TSPAN7: variants seen among roughly 807,000 people sequenced by gnomAD.
TSPAN7 encodes tetraspanin 7, also known as tetraspanin-7.
In TSPAN7, 1 loss-of-function variant was observed where a neutral mutation model predicts 17.6. The observed-to-expected ratio is 0.06, with a 90% CI of 0.02 to 0.27. The LOEUF (loss-of-function observed/expected upper bound fraction) is 0.27. Among genes scored for constraint, TSPAN7 ranks in the 10% least tolerant of loss-of-function variants. TSPAN7 has a pLI of 1.00. For synonymous variants in TSPAN7, 78 were observed against 79.0 expected (o/e 0.99, Z 0.07); for missense variants, 112 against 201.7 (o/e 0.56, Z 2.69).
intron 1 of TSPAN7, among the ~76,000 whole-genome samples, chrX:38,631,040 C>G (rs1414922695): frequency 8.9e-6 from 1 of 112,291 alleles, no homozygotes; most frequent in Non-Finnish European, 1.9e-5. Flanking sequence ...CTTCATTATT[C>G]ATAGATGTAA....
At chrX:38,673,364 C>CT (rs1173827469) in intron 3 of TSPAN7, among the ~76,000 whole-genome samples, 12,616 of 85,889 alleles carry the variant, frequency 0.15, 1,101 homozygotes, top group African/African-American at 0.24. Flanking sequence ...GTTTTGTTAA[C>CT]TTTTTTTTTT....
chrX:38,571,088 T>C (rs1213741941), intron 1 of TSPAN7: 1 of 111,822 alleles, frequency 8.9e-6, no homozygotes, highest in Non-Finnish European at 1.9e-5. Context: ...TTTAAAATAG[T>C]TTAAACATCA....
At chrX:38,580,054 A>T (rs2069220007) in intron 1 of TSPAN7, among the ~76,000 whole-genome samples, 1 of 112,467 alleles carries the variant, frequency 8.9e-6, no homozygotes, top group South Asian at 3.7e-4. Flanking sequence ...ATATGTTTCC[A>T]TGTCGACAGA....
Position 38,674,164 on chromosome X carries a change from T to A in TSPAN7, c.346-57T>A, listed in dbSNP as rs1243902766. ...ATGTTAGGGTAGAATTTGGTAAGAA[T>A]TGGAGTCAGTTTGGGCTGTGGTGGA... On this transcript the variant is annotated intron_variant, in intron 3 of 7. Transcript: ENST00000378482. 5 of 918,114 alleles carry A rather than the reference T, an allele frequency of 5.4e-6. No individual in the cohort carries two copies. The East Asian group carries it at 1.7e-4, about 31-fold the overall frequency. 75.7% of individuals were successfully genotyped at this position (918,114 alleles called of 1,213,427 possible).
intron 1 of TSPAN7, among the ~76,000 whole-genome samples, chrX:38,574,061 G>T (rs754398746): frequency 1.1e-4 from 12 of 111,948 alleles, no homozygotes; most frequent in Non-Finnish European, 2.1e-4. Context: ...GAAGAGTTAT[G>T]TTCTACCTCC....
intron 1 of TSPAN7, among the ~76,000 whole-genome samples, chrX:38,577,019 G>A (rs191134849): frequency 1.2e-3 from 135 of 111,384 alleles, no homozygotes; most frequent in African/African-American, 4.3e-3. Context: ...AAGAATGAAG[G>A]TCTAATATAG....
At chrX:38,681,164 G>A in intron 5 of TSPAN7, 40 bp from the exon 6 acceptor site, 1 of 1,141,113 alleles carries the variant, frequency 8.8e-7, no homozygotes, top group Non-Finnish European at 1.2e-6. Flanking sequence ...CTTGGCCTGA[G>A]TGAAAACATG....
At chrX:38,614,286 C>A (rs1569307055) in intron 1 of TSPAN7, among the ~76,000 whole-genome samples, 1 of 111,820 alleles carries the variant, frequency 8.9e-6, no homozygotes, top group African/African-American at 3.3e-5. Flanking sequence ...CACCTTTGTG[C>A]CAGGTACTGT....
intron 1 of TSPAN7, among the ~76,000 whole-genome samples, chrX:38,650,583 C>T (rs933912019): frequency 3.6e-5 from 4 of 112,199 alleles, no homozygotes; most frequent in African/African-American, 1.3e-4. Flanking sequence ...TCTGGCCCTT[C>T]AATGCAGCTT....
rs768177686 is a variant in TSPAN7, at chrX:38,647,778, C to G, written c.82-18343C>G. The stretch of plus-strand genomic sequence containing the variant: ...AGTCCAAGATGCTGAATGTTAGTCA[C>G]AGATTGAGTCCTGTGGTTCCGGCAG... On this transcript the variant is annotated intron_variant, in intron 1 of 7. Coordinates refer to ENST00000378482, the MANE Select transcript of TSPAN7 (RefSeq NM_004615.4). Among the ~76,000 whole-genome samples the G allele has an allele frequency of 8.0e-5, 9 of 112,056 alleles. No individual in the cohort carries two copies. In the South Asian group the frequency reaches 1.5e-3, roughly 19 times the overall value.
intron 1 of TSPAN7, among the ~76,000 whole-genome samples, chrX:38,644,727 G>A (rs1363906706): frequency 8.9e-6 from 1 of 112,272 alleles, no homozygotes; most frequent in Non-Finnish European, 1.9e-5. Flanking sequence ...GTGAGGGTTG[G>A]ACTAGAGATG....
intron 1 of TSPAN7, chrX:38,570,682 T>C (rs1253805791): frequency 2.7e-5 from 3 of 112,131 alleles, no homozygotes; most frequent in Non-Finnish European, 5.6e-5. Context: ...TATATTCTTA[T>C]GTATTTTTCT....
chrX:38,680,673 G>T (rs1328154888), intron 5 of TSPAN7, among the ~76,000 whole-genome samples: 2 of 108,579 alleles, frequency 1.8e-5, no homozygotes, highest in African/African-American at 6.7e-5. Flanking sequence ...CATAAAGTTG[G>T]CAGATATTCA....
intron 2 of TSPAN7, 29 bp from the exon 3 acceptor site, chrX:38,671,347 G>A: frequency 2.5e-6 from 3 of 1,201,682 alleles, no homozygotes; most frequent in Non-Finnish European, 3.4e-6. Flanking sequence ...TGATGTATCT[G>A]ACTTTGTCTT....
intron 1 of TSPAN7, among the ~76,000 whole-genome samples, chrX:38,583,747 G>GT (rs1396113752): frequency 4.5e-5 from 5 of 110,161 alleles, no homozygotes; most frequent in Admixed American, 1.9e-4. Context: ...AGAATTCAGT[G>GT]TTTTTTGCTA....
intron 1 of TSPAN7, among the ~76,000 whole-genome samples, chrX:38,585,999 G>A (rs1466434977): frequency 8.9e-6 from 1 of 112,447 alleles, no homozygotes; most frequent in Non-Finnish European, 1.9e-5. Flanking sequence ...AGAGTCTTAG[G>A]TATTCCTTTA....
At chrX:38,652,439 C>T (rs961153032) in intron 1 of TSPAN7, among the ~76,000 whole-genome samples, 1 of 111,791 alleles carries the variant, frequency 8.9e-6, no homozygotes, top group African/African-American at 3.3e-5. Flanking sequence ...GTAACACCTC[C>T]CAAGGCAACC....
intron 1 of TSPAN7, among the ~76,000 whole-genome samples, chrX:38,652,445 C>A (rs1181563542): frequency 8.9e-6 from 1 of 111,996 alleles, no homozygotes; most frequent in Admixed American, 9.4e-5. Context: ...CCTCCCAAGG[C>A]AACCCACTCC....
At chrX:38,613,141 G>C (rs1402201395) in intron 1 of TSPAN7, among the ~76,000 whole-genome samples, 2 of 111,611 alleles carry the variant, frequency 1.8e-5, no homozygotes, top group Non-Finnish European at 3.8e-5. Flanking sequence ...CTTCGTATTT[G>C]CTCTAATTTT....
Sources: allele counts gnomAD v4.1 joint callset (sites outside exome capture counted in the v4.1 genomes callset), GRCh38; gene constraint gnomAD v4.1.1; transcripts MANE v1.5; gene names NCBI Gene and HGNC (gene_info 2026-07-23, HGNC 2026-07-21).